ACCSL: variants seen among roughly 807,000 people sequenced by gnomAD.
ACCSL encodes probable inactive 1-aminocyclopropane-1-carboxylate synthase-like protein 2.
Under a neutral mutation model 61.7 loss-of-function variants are expected in ACCSL, and 55 were observed. The ratio of observed to expected loss-of-function variants is 0.89; its 90% CI spans 0.72 to 1.12. The LOEUF (loss-of-function observed/expected upper bound fraction) is 1.12. ACCSL is among the 50% of genes most tolerant of loss of function. The probability of loss-of-function intolerance (pLI) is 0.00; values close to 1 mark genes in which losing one functional copy is unlikely to be tolerated. For synonymous variants in ACCSL, 258 were observed against 264.3 expected (o/e 0.98, Z 0.23); for missense variants, 632 against 698.0 (o/e 0.91, Z 1.07).
chr11:43,993,817 G>T, the ACCSL span, among the ~76,000 whole-genome samples: 9 of 152,220 alleles, frequency 5.9e-5, no homozygotes, highest in African/African-American at 2.2e-4. Flanking sequence ...TTGGAACTCA[G>T]TCGGGGCATT....
upstream of ACCSL, among the ~76,000 whole-genome samples, chr11:44,044,084 G>A (rs1390897138): frequency 6.6e-6 from 1 of 152,174 alleles, no homozygotes; most frequent in Non-Finnish European, 1.5e-5. Flanking sequence ...TATGGTAGCA[G>A]CTTCCAGAGT....
chr11:43,991,479 T>C, the ACCSL span, among the ~76,000 whole-genome samples: 1 of 151,404 alleles, frequency 6.6e-6, no homozygotes, highest in Non-Finnish European at 1.5e-5. Context: ...GCATTCAAGC[T>C]GTCCAAGATC....
the ACCSL span, among the ~76,000 whole-genome samples, chr11:43,979,449 T>C: frequency 6.6e-6 from 1 of 152,238 alleles, no homozygotes; most frequent in Non-Finnish European, 1.5e-5. Context: ...GTGGTAGTCC[T>C]GGCCTTTTAC....
the ACCSL span, among the ~76,000 whole-genome samples, chr11:43,982,479 C>T: frequency 2.0e-5 from 3 of 152,210 alleles, no homozygotes; most frequent in East Asian, 3.9e-4. Context: ...CAGCCCGCCT[C>T]GGCCTCCCAA....
the ACCSL span, among the ~76,000 whole-genome samples, chr11:44,035,317 A>C: frequency 6.6e-6 from 1 of 152,086 alleles, no homozygotes; most frequent in African/African-American, 2.4e-5. Flanking sequence ...AGTGTCTAGC[A>C]TGTCAGTTGC....
At chr11:43,961,220 T>C in the ACCSL span, among the ~76,000 whole-genome samples, 2 of 152,234 alleles carry the variant, frequency 1.3e-5, no homozygotes, top group Admixed American at 6.5e-5. Flanking sequence ...GATTATTCTT[T>C]GTGACTGAAA....
the ACCSL span, chr11:43,943,663 C>CCATTCACA: frequency 2.3e-6 from 3 of 1,304,990 alleles, no homozygotes; most frequent in South Asian, 3.7e-5. The surrounding 1 kb of genome is among the most constrained non-coding windows in gnomAD (Gnocchi z 4.8). Context: ...CAGCGCACAC[C>CCATTCACA]CATTCACACT....
At chr11:43,986,472 G>C in the ACCSL span, among the ~76,000 whole-genome samples, 1 of 152,324 alleles carries the variant, frequency 6.6e-6, no homozygotes, top group East Asian at 1.9e-4. Context: ...GCCCTGGCCA[G>C]CCTCACAGAC....
At chr11:44,029,280 C>T in the ACCSL span, among the ~76,000 whole-genome samples, 1 of 152,260 alleles carries the variant, frequency 6.6e-6, no homozygotes, top group African/African-American at 2.4e-5. Flanking sequence ...CCCCTCCAGC[C>T]ATCCAGCTTC....
At chr11:43,988,872 G>A in the ACCSL span, among the ~76,000 whole-genome samples, 195 of 136,146 alleles carry the variant, frequency 1.4e-3, no homozygotes, top group Middle Eastern at 4.1e-3. Context: ...CTGGGCTCAA[G>A]CAATCCTCTC....
At chr11:44,005,166 A>G in the ACCSL span, among the ~76,000 whole-genome samples, 7 of 149,986 alleles carry the variant, frequency 4.7e-5, no homozygotes, top group African/African-American at 1.7e-4. Context: ...GAACTGTTTC[A>G]ATGGCTGTCC....
At chr11:43,943,236 A>C in the ACCSL span, 1 of 1,522,192 alleles carries the variant, frequency 6.6e-7, no homozygotes, top group East Asian at 2.7e-5. This position sits in a 1 kb window ranked among gnomAD's most constrained non-coding sequence, Gnocchi z 4.8. Context: ...AAACTGAGGA[A>C]CAGCCTGGAC....
chr11:44,013,271 C>CA, the ACCSL span, among the ~76,000 whole-genome samples: 1 of 152,174 alleles, frequency 6.6e-6, no homozygotes, highest in African/African-American at 2.4e-5. Flanking sequence ...AGAACATAAG[C>CA]AATTCTTTTT....
chr11:43,968,049 TG>T, the ACCSL span, among the ~76,000 whole-genome samples: 1 of 152,286 alleles, frequency 6.6e-6, no homozygotes, highest in South Asian at 2.1e-4. Context: ...TGAGGATATT[TG>T]GCAATGTCTG....
At chr11:43,949,367 C>G in the ACCSL span, among the ~76,000 whole-genome samples, 3 of 152,260 alleles carry the variant, frequency 2.0e-5, no homozygotes, top group Admixed American at 2.0e-4. Context: ...GGGGAATAAG[C>G]ACAGAGTGGC....
intron 8 of ACCSL, 26 bp downstream of exon 8, chr11:44,053,532 G>C: frequency 6.3e-7 from 1 of 1,586,182 alleles, no homozygotes. Flanking sequence ...CTTGAGACTA[G>C]GTAATGTTTC....
the ACCSL span, among the ~76,000 whole-genome samples, chr11:43,985,269 C>A: frequency 3.9e-5 from 6 of 152,138 alleles, no homozygotes; most frequent in African/African-American, 1.4e-4. Flanking sequence ...GGGAAGTGTA[C>A]CTCCAGTGTG....
At chr11:43,943,162 C>T in the ACCSL span, 8 of 1,504,032 alleles carry the variant, frequency 5.3e-6, no homozygotes, top group Non-Finnish European at 7.1e-6. The surrounding 1 kb of genome is among the most constrained non-coding windows in gnomAD (Gnocchi z 4.8). Flanking sequence ...TCCTGCAGAG[C>T]CTGGAGTGCC....
the ACCSL span, among the ~76,000 whole-genome samples, chr11:43,991,665 G>A: frequency 6.6e-6 from 1 of 152,152 alleles, no homozygotes; most frequent in Non-Finnish European, 1.5e-5. Flanking sequence ...CTGGTGGTTG[G>A]TGCCTGTAGT....
Sources: gnomAD v4.1 joint callset for allele counts (sites outside exome capture counted in the v4.1 genomes callset) on GRCh38, gnomAD v4.1.1 for gene constraint, Gnocchi (gnomAD v3.1) non-coding constraint, MANE v1.5 for transcripts, NCBI Gene and HGNC (gene_info 2026-07-23, HGNC 2026-07-21) for gene names.